Variants in MDGA2 observed in about 807,000 individuals in gnomAD.
The protein encoded by MDGA2 is MAM domain-containing glycosylphosphatidylinositol anchor protein 2.
In MDGA2, 40 loss-of-function variants were observed where a neutral mutation model predicts 117.8. The ratio of observed to expected loss-of-function variants is 0.34; its 90% CI spans 0.26 to 0.44. The LOEUF is 0.44. Among genes scored for constraint, MDGA2 ranks in the 20% least tolerant of loss-of-function variants. The pLI is 1.00. For missense variants in MDGA2, 1,123 were observed against 1,250.6 expected (o/e 0.90, Z 1.54); for synonymous variants, 452 against 439.0 (o/e 1.03, Z -0.37).
chr14:47,115,506 GT>G (rs1033025432), intron 5 of MDGA2, among the ~76,000 whole-genome samples: 18 of 151,368 alleles, frequency 1.2e-4, no homozygotes, highest in Admixed American at 7.3e-4. Context: ...GATATATCAA[GT>G]TTTTTTTTAT....
At chr14:47,001,527 A>G (rs1388403173) in intron 8 of MDGA2, among the ~76,000 whole-genome samples, 1 of 152,144 alleles carries the variant, frequency 6.6e-6, no homozygotes, top group Admixed American at 6.6e-5. Context: ...ACCAGGATAC[A>G]TGCATATAGG....
At chr14:46,859,193 C>A (rs919283855) in intron 14 of MDGA2, among the ~76,000 whole-genome samples, 1 of 151,916 alleles carries the variant, frequency 6.6e-6, no homozygotes, top group African/African-American at 2.4e-5. Flanking sequence ...CATTGTGCTG[C>A]CAGGGGTTTT....
intron 6 of MDGA2, among the ~76,000 whole-genome samples, chr14:47,069,367 T>C (rs1890196900): frequency 6.6e-6 from 1 of 152,242 alleles, no homozygotes; most frequent in African/African-American, 2.4e-5. Flanking sequence ...TGGTAGGATA[T>C]AACGTTTAAG....
intron 1 of MDGA2, among the ~76,000 whole-genome samples, chr14:47,399,448 G>C (rs1314796969): frequency 6.6e-6 from 1 of 152,164 alleles, no homozygotes; most frequent in Non-Finnish European, 1.5e-5. Context: ...ATCTGCTTCT[G>C]TATTCTCAAA....
chr14:47,577,044 C>A (rs191741465), intron 1 of MDGA2, among the ~76,000 whole-genome samples: 10 of 152,142 alleles, frequency 6.6e-5, no homozygotes, highest in African/African-American at 2.4e-4. Context: ...AGCCACCATG[C>A]CCAGCCTAGA....
intron 9 of MDGA2, among the ~76,000 whole-genome samples, chr14:46,948,331 C>T (rs1321789813): frequency 1.3e-5 from 2 of 151,930 alleles, no homozygotes; most frequent in African/African-American, 4.8e-5. Context: ...TTGACCAGTA[C>T]TGTCTATGAG....
chr14:47,114,757 T>C (rs1001247069), intron 5 of MDGA2, among the ~76,000 whole-genome samples: 2 of 152,214 alleles, frequency 1.3e-5, no homozygotes, highest in East Asian at 3.9e-4. Flanking sequence ...TTACACCTTA[T>C]ACAAAAATTA....
At chr14:47,102,056 A>G (rs12895941) in intron 5 of MDGA2, among the ~76,000 whole-genome samples, 1 of 152,152 alleles carries the variant, frequency 6.6e-6, no homozygotes, top group Non-Finnish European at 1.5e-5. Context: ...GCTACCTAAC[A>G]TAATAGGTAA....
chr14:47,349,014 G>A (rs1290242847), intron 1 of MDGA2, among the ~76,000 whole-genome samples: 1 of 152,154 alleles, frequency 6.6e-6, no homozygotes, highest in East Asian at 1.9e-4. Flanking sequence ...TTGTTTATTT[G>A]GACTTCTTTG....
At chr14:47,256,309 A>G (rs1887617443) in intron 2 of MDGA2, among the ~76,000 whole-genome samples, 1 of 152,030 alleles carries the variant, frequency 6.6e-6, no homozygotes, top group Non-Finnish European at 1.5e-5. Context: ...ACCAATCAAA[A>G]AATAAAATAT....
intron 5 of MDGA2, among the ~76,000 whole-genome samples, chr14:47,120,583 G>A (rs1040547321): frequency 1.4e-4 from 22 of 152,090 alleles, no homozygotes; most frequent in Non-Finnish European, 5.9e-5. Flanking sequence ...TAAATATAAA[G>A]GTGGCTCTTA....
intron 1 of MDGA2, among the ~76,000 whole-genome samples, chr14:47,452,882 G>A (rs777899773): frequency 3.3e-5 from 5 of 152,054 alleles, no homozygotes; most frequent in Non-Finnish European, 5.9e-5. Context: ...TCTAGTGGAA[G>A]GTAGAGACAT....
chr14:47,115,853 T>A (rs1881299985), intron 5 of MDGA2, among the ~76,000 whole-genome samples: 1 of 152,014 alleles, frequency 6.6e-6, no homozygotes. Context: ...TCAAAAAGGT[T>A]TTCCTATAAG....
At chr14:47,532,587 T>C (rs1895122965) in intron 1 of MDGA2, among the ~76,000 whole-genome samples, 1 of 152,220 alleles carries the variant, frequency 6.6e-6, no homozygotes. Context: ...CTACATCATA[T>C]TCACCTCCTT....
Position 47,013,772 on chromosome 14 carries a change from GTATATATATA to G in MDGA2, c.1819+21229_1819+21238del, listed in dbSNP as rs71448157. 2.8e-4 allele frequency among the ~76,000 whole-genome samples: 26 copies of G among 93,686 alleles called. 3 individuals carry two copies. Among genetic ancestry groups the G allele is most frequent in the East Asian group, 1.6e-3 (3 of 1,832 alleles). 61.5% of individuals were successfully genotyped at this position (93,686 alleles called of 152,430 possible). A position where few individuals can be genotyped will look rare whatever the true frequency, so the allele number is the denominator to read the frequency against. On this transcript the variant is annotated intron_variant, in intron 8 of 16. Coordinates refer to ENST00000399232, the MANE Select transcript of MDGA2 (RefSeq NM_001113498.3). The stretch of plus-strand genomic sequence containing the variant: ...TAGGTATGAAAACATTAATTTCCTT[GTATATATATA>G]TATATATATATCTCCTTTTTTTTTT...
chr14:47,649,076 TATAAA>T (rs1302015855), intron 1 of MDGA2, among the ~76,000 whole-genome samples: 1 of 152,190 alleles, frequency 6.6e-6, no homozygotes, highest in Non-Finnish European at 1.5e-5. Flanking sequence ...AAATTCATCA[TATAAA>T]ATATTTGTAT....
intron 1 of MDGA2, among the ~76,000 whole-genome samples, chr14:47,317,448 G>C (rs1889841942): frequency 1.3e-5 from 2 of 152,034 alleles, no homozygotes; most frequent in Admixed American, 6.6e-5. Flanking sequence ...TATTTGTTTT[G>C]AATTATTTTG....
At chr14:47,076,586 G>GTA (rs1294379241) in intron 6 of MDGA2, among the ~76,000 whole-genome samples, 1 of 149,010 alleles carries the variant, frequency 6.7e-6, no homozygotes, top group Non-Finnish European at 1.5e-5. Context: ...GTGTGTGTGT[G>GTA]TATTACCCAA....
intron 1 of MDGA2, among the ~76,000 whole-genome samples, chr14:47,416,112 C>A (rs566116532): frequency 1.3e-5 from 2 of 152,234 alleles, no homozygotes; most frequent in South Asian, 4.1e-4. Flanking sequence ...CTAGCGTCAA[C>A]TCACAAACCT....
Sources: gnomAD v4.1 joint callset for allele counts (sites outside exome capture counted in the v4.1 genomes callset) on GRCh38, gnomAD v4.1.1 for gene constraint, MANE v1.5 for transcripts, NCBI Gene and HGNC (gene_info 2026-07-23, HGNC 2026-07-21) for gene names.